The following RIPOR2 variants were observed in gnomAD, a reference collection of about 807,000 sequenced individuals.
The protein encoded by RIPOR2 is RHO family interacting cell polarization regulator 2.
Under a neutral mutation model 114.5 loss-of-function variants are expected in RIPOR2, and 39 were observed. The ratio of observed to expected loss-of-function variants is 0.34; its 90% CI spans 0.26 to 0.44. The LOEUF is 0.44. RIPOR2 is among the 20% of genes least tolerant of loss of function. The pLI, the probability that RIPOR2 is intolerant of heterozygous loss-of-function variation, is 1.00. For synonymous variants in RIPOR2, 445 were observed against 484.4 expected, an observed-to-expected ratio of 0.92 and a Z score of 1.07; for missense variants, 1,007 against 1,255.1, an observed-to-expected ratio of 0.80 and a Z score of 2.99.
rs1769799585 is a variant in RIPOR2, at chr6:24,913,135, TGTGGGCA to T, written c.61+22696_61+22702del. ...TATCTTGCTGAGGTTTGGGCATGAC[TGTGGGCA>T]TGACTTGAGTGTGTGTGTGTGTGTG... On this transcript the variant is annotated intron_variant, in intron 1 of 21. Transcript: ENST00000643898. Among the ~76,000 whole-genome samples the T allele has an allele frequency of 2.7e-5, 4 of 145,988 alleles. No individual in the cohort carries two copies. The South Asian group carries it at 9.0e-4, about 33-fold the overall frequency.
intron 11 of RIPOR2, among the ~76,000 whole-genome samples, chr6:24,849,259 G>C (rs555934166): frequency 1.9e-4 from 29 of 152,220 alleles, no homozygotes; most frequent in Non-Finnish European, 2.2e-4. Flanking sequence ...TTTGGAAAAC[G>C]ATTTCTAAGT....
chr6:24,892,065 G>T (rs1221074505), intron 1 of RIPOR2, among the ~76,000 whole-genome samples: 1 of 152,014 alleles, frequency 6.6e-6, no homozygotes, highest in African/African-American at 2.4e-5. Context: ...CACTATGTTG[G>T]CCAGGCTGGT....
intron 1 of RIPOR2, among the ~76,000 whole-genome samples, chr6:24,965,637 G>A (rs1192323164): frequency 3.3e-5 from 5 of 152,082 alleles, no homozygotes; most frequent in Admixed American, 2.0e-4. Flanking sequence ...GTCTTTGTGG[G>A]TCTTTCCCGA....
At position 25,022,550 on chromosome 6, in the gene RIPOR2, T is replaced by C. The variant is rs1321742661; in HGVS notation, c.76+19301A>G. ...ACCTTCCATTTTTTTTTTTTTTTTT[T>C]TTTTTTTTTTTTTTTTTTAGACAGG... On this transcript the variant is annotated intron_variant, in intron 1 of 13. Transcript: ENST00000510784. Among the ~76,000 whole-genome samples the C allele has an allele frequency of 4.9e-5, 6 of 122,198 alleles. 1 individual carries two copies. The highest frequency in any genetic ancestry group is 1.0e-4 in the Non-Finnish European group (6 of 57,440). 80.2% of individuals were successfully genotyped at this position (122,198 alleles called of 152,430 possible).
At chr6:24,838,620 C>T (rs1411127788) in intron 14 of RIPOR2, among the ~76,000 whole-genome samples, 4 of 151,920 alleles carry the variant, frequency 2.6e-5, no homozygotes, top group Admixed American at 6.6e-5. Context: ...GGTGAAACCC[C>T]GTCTCTACTA....
intron 1 of RIPOR2, among the ~76,000 whole-genome samples, chr6:24,986,534 G>A (rs1263051625): frequency 6.6e-6 from 1 of 151,856 alleles, no homozygotes; most frequent in African/African-American, 2.4e-5. Flanking sequence ...TAATGTAGTT[G>A]CCAGAAAAAA....
intron 1 of RIPOR2, among the ~76,000 whole-genome samples, chr6:24,987,513 T>A (rs1774582234): frequency 6.6e-6 from 1 of 152,102 alleles, no homozygotes; most frequent in African/African-American, 2.4e-5. Flanking sequence ...ACAGGCCAAA[T>A]TAAAAGGCTC....
chr6:24,927,218 C>T (rs1412866537), intron 1 of RIPOR2, among the ~76,000 whole-genome samples: 2 of 118,142 alleles, frequency 1.7e-5, no homozygotes, highest in Non-Finnish European at 3.7e-5. Flanking sequence ...ACCACCACCA[C>T]TACCACCAGC....
intron 1 of RIPOR2, among the ~76,000 whole-genome samples, chr6:24,906,644 C>G (rs1016793049): frequency 6.6e-6 from 1 of 152,072 alleles, no homozygotes. Context: ...ATATCTTACA[C>G]TTTTTCTTTT....
At chr6:24,871,105 T>C (rs748402616) in intron 4 of RIPOR2, among the ~76,000 whole-genome samples, 22 of 152,144 alleles carry the variant, frequency 1.4e-4, no homozygotes, top group Non-Finnish European at 2.9e-4. Context: ...CCAGTAAGAG[T>C]ACATTTAAGA....
intron 1 of RIPOR2, among the ~76,000 whole-genome samples, chr6:24,943,345 G>T (rs1772238449): frequency 6.6e-6 from 1 of 152,134 alleles, no homozygotes; most frequent in African/African-American, 2.4e-5. Flanking sequence ...CTGTTGTGGG[G>T]TAGGGGGAGC....
rs1438403519 is a variant in RIPOR2, at chr6:24,830,666, T to C, written c.2349A>G (p.Ile783Met). The change falls in exon 17 of 22, where the codon ATA becomes ATG. Residue 783 changes from isoleucine (I) to methionine (M), a missense_variant. Coordinates refer to ENST00000643898, the MANE Select transcript of RIPOR2 (RefSeq NM_001286445.3). ...IGNISSVVEA[I>M]PEFHKKLSLL... ...AAGACAGCTTTTTGTGAAATTCTGG[T>C]ATGGCTGGAAAAGAAGAGCAACCCC... The C allele has an allele frequency of 3.9e-6, 6 of 1,550,320 alleles. No homozygotes were observed. The highest frequency in any genetic ancestry group is 5.2e-6 in the Non-Finnish European group (6 of 1,146,702).
intron 1 of RIPOR2, among the ~76,000 whole-genome samples, chr6:24,889,347 C>T (rs962901411): frequency 2.6e-5 from 4 of 152,084 alleles, no homozygotes; most frequent in African/African-American, 4.8e-5. Context: ...GAAATTCACC[C>T]GCGACCTGAA....
intron 1 of RIPOR2, among the ~76,000 whole-genome samples, chr6:24,964,132 A>G (rs1311001331): frequency 7.4e-6 from 1 of 135,730 alleles, no homozygotes; most frequent in African/African-American, 3.0e-5. Context: ...CAAAACAAGG[A>G]AATTGACATT....
In RIPOR2 at chr6:24,849,913, A is replaced by C; in HGVS notation, c.923T>G (p.Val308Gly). 3.1e-6 allele frequency: 5 copies of C among 1,613,864 alleles called. No homozygotes were observed. Among genetic ancestry groups the C allele is most frequent in the Non-Finnish European group, 3.4e-6 (4 of 1,179,830 alleles). The change falls in exon 11 of 22, where the codon GTA (valine) becomes GGA (glycine). Residue 308 changes from valine (V) to glycine (G), a missense_variant. Coordinates refer to ENST00000643898, the MANE Select transcript of RIPOR2 (RefSeq NM_001286445.3). The stretch of plus-strand genomic sequence containing the variant: ...TTTGGTCTCACAGGTCACGCTACCT[A>C]CCAGGATGTGAGTTGCTAGCCCTTT... ...ELKGLATHIL[V>G]GSVTCETKEL...
At chr6:24,908,568 G>A (rs1769211947) in intron 1 of RIPOR2, among the ~76,000 whole-genome samples, 1 of 152,170 alleles carries the variant, frequency 6.6e-6, no homozygotes, top group African/African-American at 2.4e-5. Flanking sequence ...ATCACAGTTG[G>A]GCTGTGGGGT....
chr6:24,839,077 A>G lies in RIPOR2; in HGVS notation c.2039+14T>C, dbSNP rs1761382839. 2 of 1,546,602 alleles carry G rather than the reference A, an allele frequency of 1.3e-6. No homozygotes were observed. Among genetic ancestry groups the G allele is most frequent in the Admixed American group, 3.9e-5 (2 of 50,782 alleles). ...GACAGGAGAAATATAAGGAGACACT[A>G]ACTTCAGACTTACCTGTGTTTCTCA... On this transcript the variant is annotated intron_variant, in intron 14 of 21. Coordinates refer to ENST00000643898, the MANE Select transcript of RIPOR2 (RefSeq NM_001286445.3).
At chr6:24,916,786 A>C (rs919717380) in intron 1 of RIPOR2, among the ~76,000 whole-genome samples, 2 of 152,148 alleles carry the variant, frequency 1.3e-5, no homozygotes, top group Non-Finnish European at 2.9e-5. Context: ...CACAATGAGA[A>C]ACTTGTTTGG....
upstream of RIPOR2, among the ~76,000 whole-genome samples, chr6:24,938,695 T>G (rs530854691): frequency 3.9e-5 from 6 of 152,272 alleles, no homozygotes; most frequent in South Asian, 8.3e-4. Flanking sequence ...TTAGGAAGTT[T>G]CCCTCAGTCT....
Sources: allele counts gnomAD v4.1 joint callset (sites outside exome capture counted in the v4.1 genomes callset), GRCh38; gene constraint gnomAD v4.1.1; transcripts MANE v1.5; gene names NCBI Gene and HGNC (gene_info 2026-07-23, HGNC 2026-07-21).